The following COP1 variants were observed in gnomAD, a reference collection of about 807,000 sequenced individuals.
COP1 encodes COP1 E3 ubiquitin ligase.
A neutral mutation model predicts 101.3 loss-of-function variants in COP1; 24 were observed. That is an observed-to-expected ratio of 0.24 (90% CI 0.17 to 0.33). The LOEUF is 0.33. COP1 is among the 10% of genes least tolerant of loss of function. The pLI, the probability that COP1 is intolerant of heterozygous loss-of-function variation, is 1.00. For missense variants in COP1, 663 were observed against 906.2 expected, an observed-to-expected ratio of 0.73 and a Z score of 3.45; for synonymous variants, 347 against 341.9, an observed-to-expected ratio of 1.01 and a Z score of -0.17.
At chr1:176,042,111 CA>C (rs557963871) in intron 14 of COP1, among the ~76,000 whole-genome samples, 1 of 146,482 alleles carries the variant, frequency 6.8e-6, no homozygotes, top group Admixed American at 6.8e-5. Context: ...GATTACGTCT[CA>C]AAAAAAAAAT....
chr1:176,110,148 C>G (rs998026182), intron 9 of COP1, among the ~76,000 whole-genome samples: 1 of 152,090 alleles, frequency 6.6e-6, no homozygotes, highest in African/African-American at 2.4e-5. Context: ...TTTATCTTGT[C>G]TTAGATTCAA....
rs1670943976 is a variant in COP1, at chr1:176,043,208, A to G, written c.1590T>C (p.Ala530=). The change falls in exon 14 of 20, where the codon GCT becomes GCC. Residue 530 remains alanine (A), a synonymous_variant. Coordinates refer to ENST00000367669, the MANE Select transcript of COP1 (RefSeq NM_022457.7). ...TACCTTTTGCATCATCAGAACCTGAAGCCAAGAGTTTAGGATCCATCAAAT... is the reference window on the plus strand; with the variant it reads ...TACCTTTTGCATCATCAGAACCTGAGGCCAAGAGTTTAGGATCCATCAAAT... The part of the protein sequence containing the change: ...DFNLMDPKLL[A]SGSDDAKVKL... The G allele has an allele frequency of 6.2e-7, 1 of 1,612,644 alleles. No individual in the cohort carries two copies. Among genetic ancestry groups the G allele is most frequent in the Non-Finnish European group, 8.5e-7 (1 of 1,178,690 alleles).
chr1:176,106,600 C>A (rs10913135), intron 9 of COP1, among the ~76,000 whole-genome samples: 60,064 of 151,886 alleles, frequency 0.4, 12,097 homozygotes, highest in Middle Eastern at 0.45. Context: ...TGATATTATG[C>A]CCCCACCCAG....
intron 2 of COP1, among the ~76,000 whole-genome samples, chr1:176,179,453 G>A (rs1697435439): frequency 6.6e-6 from 1 of 152,188 alleles, no homozygotes; most frequent in Non-Finnish European, 1.5e-5. Flanking sequence ...GAGTTTGTTA[G>A]GCTGGGTGCA....
chr1:176,205,327 A>G (rs2102322978), intron 1 of COP1, among the ~76,000 whole-genome samples: 1 of 152,360 alleles, frequency 6.6e-6, no homozygotes, highest in African/African-American at 2.4e-5. Flanking sequence ...TGAAAAACAG[A>G]TTAATTCTGA....
intron 18 of COP1, among the ~76,000 whole-genome samples, chr1:175,949,207 A>C (rs1649574746): frequency 7.2e-6 from 1 of 137,932 alleles, no homozygotes; most frequent in Admixed American, 7.6e-5. Context: ...CATGGGTAAT[A>C]CAATACTCAC....
intron 8 of COP1, among the ~76,000 whole-genome samples, chr1:176,117,646 G>C (rs945672672): frequency 5.3e-5 from 8 of 152,184 alleles, no homozygotes; most frequent in Non-Finnish European, 7.3e-5. Context: ...TGTAATCCCA[G>C]CACTTTGGGA....
At chr1:176,120,866 T>A (rs1488029241) in intron 8 of COP1, among the ~76,000 whole-genome samples, 1 of 152,110 alleles carries the variant, frequency 6.6e-6, no homozygotes, top group Non-Finnish European at 1.5e-5. Context: ...TAAATTTAAA[T>A]TATTAGTGGA....
At chr1:176,154,363 C>T (rs1301517400) in intron 5 of COP1, among the ~76,000 whole-genome samples, 1 of 152,006 alleles carries the variant, frequency 6.6e-6, no homozygotes, top group African/African-American at 2.4e-5. Flanking sequence ...GCACTATTTA[C>T]AATAGCAAAG....
chr1:176,187,016 A>C (rs1326454801), intron 1 of COP1, among the ~76,000 whole-genome samples: 1 of 152,188 alleles, frequency 6.6e-6, no homozygotes, highest in African/African-American at 2.4e-5. Context: ...CATGTCACAT[A>C]ATGTGTTCTA....
At chr1:175,967,568 T>C (rs1327472048) in intron 18 of COP1, among the ~76,000 whole-genome samples, 1 of 152,132 alleles carries the variant, frequency 6.6e-6, no homozygotes, top group East Asian at 1.9e-4. Context: ...GGGAGGTAGG[T>C]GGGAGCAACC....
chr1:176,048,264 C>T (rs898395869), intron 11 of COP1, among the ~76,000 whole-genome samples: 5 of 138,888 alleles, frequency 3.6e-5, no homozygotes, highest in Non-Finnish European at 7.6e-5. Context: ...AACTCCAGGG[C>T]TCAAGCAATC....
intron 6 of COP1, 54 bp downstream of exon 6, chr1:176,148,952 G>A: frequency 1.8e-6 from 2 of 1,124,644 alleles, no homozygotes; most frequent in Non-Finnish European, 2.5e-6. Flanking sequence ...TACAAAATGG[G>A]AACAGTTAAC....
At chr1:176,157,560 T>A (rs1693666252) in intron 5 of COP1, among the ~76,000 whole-genome samples, 1 of 152,160 alleles carries the variant, frequency 6.6e-6, no homozygotes, top group Non-Finnish European at 1.5e-5. Flanking sequence ...TCAAAAAGGT[T>A]GTCTCAGTAG....
At chr1:176,116,729 TAAC>T in intron 8 of COP1, 48 bp from the exon 9 acceptor site, 1 of 1,340,952 alleles carries the variant, frequency 7.5e-7, no homozygotes, top group Non-Finnish European at 1.1e-6. Flanking sequence ...TACATTATTT[TAAC>T]AACAGAAAAA....
intron 9 of COP1, among the ~76,000 whole-genome samples, chr1:176,101,214 G>C (rs1265230105): frequency 2.0e-5 from 3 of 151,508 alleles, no homozygotes; most frequent in African/African-American, 7.3e-5. Flanking sequence ...TATCGTGGCT[G>C]GTGGGACTCG....
At chr1:176,201,113 A>G (rs1006189205) in intron 1 of COP1, among the ~76,000 whole-genome samples, 1 of 152,160 alleles carries the variant, frequency 6.6e-6, no homozygotes, top group Non-Finnish European at 1.5e-5. Flanking sequence ...TGCTCACTGG[A>G]GCATTTTGGA....
chr1:176,140,305 T>C (rs1430011923), intron 6 of COP1, among the ~76,000 whole-genome samples: 1 of 152,138 alleles, frequency 6.6e-6, no homozygotes, highest in Admixed American at 6.6e-5. Context: ...AAAAATCAAA[T>C]AATGAAGGCA....
chr1:176,082,093 A>T (rs768535724), intron 10 of COP1, among the ~76,000 whole-genome samples: 2 of 152,036 alleles, frequency 1.3e-5, no homozygotes, highest in African/African-American at 4.8e-5. Context: ...CCAGTCTATT[A>T]ATAGAAGCAG....
Sources: allele counts gnomAD v4.1 joint callset (sites outside exome capture counted in the v4.1 genomes callset), GRCh38; gene constraint gnomAD v4.1.1; transcripts MANE v1.5; gene names NCBI Gene and HGNC (gene_info 2026-07-23, HGNC 2026-07-21).